The following NTRK2 variants were observed in gnomAD, a reference collection of about 807,000 sequenced individuals.
The protein encoded by NTRK2 is BDNF/NT-3 growth factors receptor.
A neutral mutation model predicts 94.5 loss-of-function variants in NTRK2; 13 were observed. That is an observed-to-expected ratio of 0.14 (90% CI 0.09 to 0.22). The LOEUF (loss-of-function observed/expected upper bound fraction) is 0.22, where lower values mean the gene tolerates loss of function less well. Among genes scored for constraint, NTRK2 ranks in the 10% least tolerant of loss-of-function variants. NTRK2 has a pLI of 1.00. For synonymous variants in NTRK2, 372 were observed against 407.4 expected (o/e 0.91, Z 1.05); for missense variants, 639 against 1,071.2 (o/e 0.60, Z 5.63).
intron 16 of NTRK2, among the ~76,000 whole-genome samples, chr9:84,954,189 A>G (rs1199952561): frequency 6.6e-6 from 1 of 151,784 alleles, no homozygotes; most frequent in Non-Finnish European, 1.5e-5. Context: ...CCTTTCCCAG[A>G]GAGAAGCCCT....
At position 84,870,364 on chromosome 9, in the gene NTRK2, T is replaced by TATAA. The variant is rs1470777504; in HGVS notation, c.1633+2934_1633+2935insTAAA. 5.5e-4 allele frequency among the ~76,000 whole-genome samples: 73 copies of TATAA among 131,680 alleles called. 1 individual carries two copies. The highest frequency in any genetic ancestry group is 5.2e-3 in the South Asian group (20 of 3,836). The allele number at this position is 131,680 out of a possible 152,430, so 86.4% of individuals were successfully genotyped here. On this transcript the variant is annotated intron_variant, in intron 14 of 18. Coordinates refer to ENST00000277120, the MANE Select transcript of NTRK2 (RefSeq NM_006180.6). ...ATATATATATATATATATATATATA[T>TATAA]AAAACTCTGTCACCCAGGCTGGAGT...
At chr9:84,699,130 G>A (rs559026674) in intron 2 of NTRK2, among the ~76,000 whole-genome samples, 6 of 150,432 alleles carry the variant, frequency 4.0e-5, no homozygotes, top group East Asian at 2.0e-4. Context: ...TCCACCTCCC[G>A]GGTTCACACC....
intron 17 of NTRK2, among the ~76,000 whole-genome samples, chr9:84,971,496 C>T (rs757965740): frequency 3.9e-5 from 6 of 152,192 alleles, no homozygotes; most frequent in Non-Finnish European, 8.8e-5. Context: ...GCTCCTTCCC[C>T]ACTGGGCAGA....
chr9:84,853,350 G>A (rs899609680), intron 12 of NTRK2, among the ~76,000 whole-genome samples: 10 of 152,168 alleles, frequency 6.6e-5, no homozygotes, highest in African/African-American at 2.4e-4. Context: ...AGTGTCTAGA[G>A]AGGGCCCACA....
rs1182392429 is a variant in NTRK2, at chr9:84,861,105, T to C, written c.1444+18T>C. The C allele has an allele frequency of 1.3e-6, 2 of 1,594,610 alleles. No homozygotes were observed. Among genetic ancestry groups the C allele is most frequent in the African/African-American group, 2.7e-5 (2 of 74,540 alleles). ...AGGTGTTGGTAAGTAGTTAACTCACTCCTTCTTTGGATAAGTAATGAGTCT... is the reference window on the plus strand; with the variant it reads ...AGGTGTTGGTAAGTAGTTAACTCACCCCTTCTTTGGATAAGTAATGAGTCT... On this transcript the variant is annotated intron_variant, in intron 13 of 18. Coordinates refer to ENST00000277120, the MANE Select transcript of NTRK2 (RefSeq NM_006180.6).
intron 5 of NTRK2, among the ~76,000 whole-genome samples, 179 bp from the exon 6 acceptor site, chr9:84,710,458 G>GATGCTCC (rs2061359214): frequency 6.6e-6 from 1 of 152,176 alleles, no homozygotes; most frequent in African/African-American, 2.4e-5. Context: ...GCATATAGGA[G>GATGCTCC]ATGCTCCGTA....
At chr9:84,840,145 A>G (rs2074091932) in intron 12 of NTRK2, among the ~76,000 whole-genome samples, 1 of 152,094 alleles carries the variant, frequency 6.6e-6, no homozygotes, top group Admixed American at 6.6e-5. Flanking sequence ...CCTTTGTGAG[A>G]AATGTGTCCT....
At chr9:84,859,439 G>T (rs2075228204) in intron 12 of NTRK2, among the ~76,000 whole-genome samples, 1 of 152,184 alleles carries the variant, frequency 6.6e-6, no homozygotes, top group Non-Finnish European at 1.5e-5. Flanking sequence ...CCTTTTGAAT[G>T]AGTAATTCAA....
intron 12 of NTRK2, among the ~76,000 whole-genome samples, chr9:84,786,261 C>T (rs2068097837): frequency 6.6e-6 from 1 of 152,146 alleles, no homozygotes; most frequent in African/African-American, 2.4e-5. Context: ...TTGCTTGTTT[C>T]TAAGCATGTT....
intron 15 of NTRK2, among the ~76,000 whole-genome samples, chr9:84,943,996 G>C (rs1322278490): frequency 6.6e-6 from 1 of 152,052 alleles, no homozygotes; most frequent in Non-Finnish European, 1.5e-5. Flanking sequence ...GGGCATGTTG[G>C]ATGAGGCCAG....
At chr9:84,763,209 CTCGTCT>C (rs374682144) in intron 12 of NTRK2, among the ~76,000 whole-genome samples, 123 of 152,264 alleles carry the variant, frequency 8.1e-4, no homozygotes, top group African/African-American at 2.6e-3. Context: ...GACAACTTCT[CTCGTCT>C]TCCAAGAAAG....
At chr9:84,866,638 T>C (rs1168791306) in intron 13 of NTRK2, among the ~76,000 whole-genome samples, 15 of 152,204 alleles carry the variant, frequency 9.9e-5, no homozygotes, top group Admixed American at 9.2e-4. Flanking sequence ...GAATATAAAA[T>C]GGTGCAGCCA....
At chr9:84,877,637 G>C in intron 14 of NTRK2, 1 of 1,065,202 alleles carries the variant, frequency 9.4e-7, no homozygotes, top group Non-Finnish European at 1.1e-6. Context: ...AAGGGGTTCT[G>C]TTGATTGCTA....
chr9:84,695,009 C>T (rs2060281254), intron 2 of NTRK2, among the ~76,000 whole-genome samples: 1 of 146,294 alleles, frequency 6.8e-6, no homozygotes, highest in African/African-American at 2.5e-5. Flanking sequence ...GAGCCGAGAT[C>T]GCGCCACTGC....
chr9:84,957,833 A>T (rs1824342884), intron 17 of NTRK2, among the ~76,000 whole-genome samples: 1 of 152,238 alleles, frequency 6.6e-6, no homozygotes, highest in African/African-American at 2.4e-5. Context: ...AAAAAGTGGA[A>T]ACAAGTTTAT....
chr9:84,747,664 G>T (rs2064211768), intron 11 of NTRK2, among the ~76,000 whole-genome samples: 1 of 151,874 alleles, frequency 6.6e-6, no homozygotes, highest in African/African-American at 2.4e-5. Context: ...ATTTTATTTA[G>T]TAGAGACATG....
intron 15 of NTRK2, among the ~76,000 whole-genome samples, chr9:84,936,633 G>C (rs548747844): frequency 1.3e-5 from 2 of 152,110 alleles, no homozygotes; most frequent in Non-Finnish European, 2.9e-5. Flanking sequence ...AATGACCTAT[G>C]ATGAGTGCTT....
chr9:84,858,702 C>T (rs1164994338), intron 12 of NTRK2, among the ~76,000 whole-genome samples: 5 of 151,738 alleles, frequency 3.3e-5, no homozygotes, highest in African/African-American at 9.7e-5. Context: ...TCTCAAGTGC[C>T]GCTTTGCAGC....
chr9:84,925,432 C>A (rs1435742179), intron 14 of NTRK2, among the ~76,000 whole-genome samples: 1 of 152,124 alleles, frequency 6.6e-6, no homozygotes, highest in Non-Finnish European at 1.5e-5. Context: ...CAGGACACCA[C>A]CCAGGGTAGG....
Sources: gnomAD v4.1 joint callset for allele counts (sites outside exome capture counted in the v4.1 genomes callset) on GRCh38, gnomAD v4.1.1 for gene constraint, MANE v1.5 for transcripts, NCBI Gene and HGNC (gene_info 2026-07-23, HGNC 2026-07-21) for gene names.